Variants in SH3GL2 observed in about 807,000 individuals in gnomAD.
SH3GL2 encodes the protein SH3 domain containing GRB2 like 2, endophilin A1.
In SH3GL2, 24 loss-of-function variants were observed where a neutral mutation model predicts 46.0. The ratio of observed to expected loss-of-function variants is 0.52; its 90% confidence interval spans 0.38 to 0.73. The LOEUF (loss-of-function observed/expected upper bound fraction) is 0.73, where lower values mean the gene tolerates loss of function less well. Ranked by LOEUF, SH3GL2 falls within the 30% of genes least tolerant of loss-of-function variation. The probability of loss-of-function intolerance (pLI) is 0.00; values close to 1 mark genes in which losing one functional copy is unlikely to be tolerated. For missense variants in SH3GL2, 413 were observed against 424.2 expected (o/e 0.97, Z 0.23); for synonymous variants, 196 against 147.1 (o/e 1.33, Z -2.40).
chr9:17,750,991 C>G (rs1389363321), intron 2 of SH3GL2, among the ~76,000 whole-genome samples: 1 of 152,174 alleles, frequency 6.6e-6, no homozygotes, highest in Non-Finnish European at 1.5e-5. Context: ...GAGAGGGCGT[C>G]TGAGCTAAAT....
At position 17,795,825 on chromosome 9, in the gene SH3GL2, A is replaced by G; in HGVS notation, c.*82A>G. 2 of 1,159,938 alleles carry G rather than the reference A, an allele frequency of 1.7e-6. No individual in the cohort carries two copies. Among genetic ancestry groups the G allele is most frequent in the Non-Finnish European group, 2.5e-6 (2 of 799,406 alleles). 71.9% of individuals were successfully genotyped at this position (1,159,938 alleles called of 1,614,324 possible). On this transcript the variant is annotated 3_prime_UTR_variant, in exon 9 of 9. Transcript: ENST00000380607. ...GCTTTGGCAATGCTGCTTATAACACATCCCAAGTGCAGGCCGCAGTGGTCC... is the reference window on the plus strand; with the variant it reads ...GCTTTGGCAATGCTGCTTATAACACGTCCCAAGTGCAGGCCGCAGTGGTCC...
intron 1 of SH3GL2, among the ~76,000 whole-genome samples, chr9:17,587,771 G>A (rs982478294): frequency 6.6e-6 from 1 of 152,048 alleles, no homozygotes; most frequent in East Asian, 1.9e-4. Flanking sequence ...CCAGCTACTC[G>A]GGAGGCTGAA....
chr9:17,673,939 T>C (rs1820539978), intron 1 of SH3GL2, among the ~76,000 whole-genome samples: 1 of 152,310 alleles, frequency 6.6e-6, no homozygotes, highest in Middle Eastern at 3.4e-3. Context: ...ATCTCTATGA[T>C]AGATCCTTGC....
intron 3 of SH3GL2, among the ~76,000 whole-genome samples, chr9:17,770,747 A>T (rs887628485): frequency 6.6e-6 from 1 of 152,208 alleles, no homozygotes; most frequent in Non-Finnish European, 1.5e-5. Flanking sequence ...AGAGGACCAC[A>T]TGTCAAGGAA....
intron 1 of SH3GL2, among the ~76,000 whole-genome samples, chr9:17,746,125 A>C (rs1191375768): frequency 6.6e-6 from 1 of 152,124 alleles, no homozygotes; most frequent in Non-Finnish European, 1.5e-5. Context: ...CCCAGGCTGG[A>C]GTGCAGTGGT....
intron 1 of SH3GL2, among the ~76,000 whole-genome samples, chr9:17,702,264 A>G (rs1174841931): frequency 6.6e-6 from 1 of 152,092 alleles, no homozygotes; most frequent in East Asian, 1.9e-4. Flanking sequence ...CCAGTGGAAT[A>G]AATAAAGATT....
intron 4 of SH3GL2, among the ~76,000 whole-genome samples, chr9:17,786,838 TGA>T (rs1823972523): frequency 6.6e-6 from 1 of 151,804 alleles, no homozygotes; most frequent in South Asian, 2.1e-4. Context: ...TGAAGCAGAG[TGA>T]GCAGGCACAG....
At chr9:17,703,724 G>T (rs1305748298) in intron 1 of SH3GL2, among the ~76,000 whole-genome samples, 1 of 151,938 alleles carries the variant, frequency 6.6e-6, no homozygotes, top group African/African-American at 2.4e-5. Context: ...CTCAATAGAC[G>T]CAGAAAAGGC....
intron 2 of SH3GL2, among the ~76,000 whole-genome samples, chr9:17,753,389 T>A (rs960037003): frequency 2.6e-5 from 4 of 152,008 alleles, no homozygotes; most frequent in African/African-American, 9.7e-5. Context: ...TGACTTTTTA[T>A]CTCATTGTGG....
chr9:17,748,614 C>A (rs1175465419), intron 2 of SH3GL2, among the ~76,000 whole-genome samples: 1 of 151,760 alleles, frequency 6.6e-6, no homozygotes, highest in Non-Finnish European at 1.5e-5. Flanking sequence ...TAGTTTTTCT[C>A]TTGGTGAGTT....
In SH3GL2 at chr9:17,747,108, G is replaced by C; in HGVS notation, c.88G>C (p.Asp30His). The change falls in exon 2 of 9, where the codon GAT (aspartate) becomes CAT (histidine). Residue 30 changes from aspartate (D) to histidine (H), a missense_variant. Asp to His is a moderately conservative substitution (Grantham distance 81). This residue lies in a region of SH3GL2 where 160 missense variants were observed against 192.3 expected (regional missense o/e 0.83). Coordinates refer to ENST00000380607, the MANE Select transcript of SH3GL2 (RefSeq NM_003026.5). ...KVGGAEGTKL[D>H]DDFKEMERKV... ...TGGAGGAGCTGAAGGAACCAAGCTA[G>C]ATGATGACTTCAAAGAGATGGAAAG... 5 of 1,610,306 alleles carry C rather than the reference G, an allele frequency of 3.1e-6. No individual in the cohort carries two copies. The highest frequency in any genetic ancestry group is 4.2e-6 in the Non-Finnish European group (5 of 1,176,662).
chr9:17,654,799 T>C (rs189679363), intron 1 of SH3GL2, among the ~76,000 whole-genome samples: 27 of 152,200 alleles, frequency 1.8e-4, no homozygotes, highest in African/African-American at 6.5e-4. Flanking sequence ...ACTGCAAAGG[T>C]GCTATAGGAT....
At chr9:17,606,073 C>T (rs891872635) in intron 1 of SH3GL2, among the ~76,000 whole-genome samples, 2 of 133,504 alleles carry the variant, frequency 1.5e-5, no homozygotes, top group African/African-American at 2.6e-5. Context: ...GGGTCAGCTT[C>T]ACTTGCGTGA....
At chr9:17,759,942 T>C (rs1474695127) in intron 2 of SH3GL2, among the ~76,000 whole-genome samples, 2 of 152,216 alleles carry the variant, frequency 1.3e-5, no homozygotes, top group Non-Finnish European at 2.9e-5. Flanking sequence ...TCAGCATATT[T>C]GTTCCATACA....
chr9:17,718,620 CAG>C (rs1433058764), intron 1 of SH3GL2, among the ~76,000 whole-genome samples: 6 of 152,198 alleles, frequency 3.9e-5, no homozygotes, highest in Admixed American at 1.3e-4. Flanking sequence ...CCCACTGACT[CAG>C]GGGGCTGAGA....
At chr9:17,747,984 T>G (rs1430089437) in intron 2 of SH3GL2, among the ~76,000 whole-genome samples, 1 of 152,094 alleles carries the variant, frequency 6.6e-6, no homozygotes, top group Non-Finnish European at 1.5e-5. Flanking sequence ...GAGCCCCTTT[T>G]TAAGTGAATG....
chr9:17,648,887 T>A lies in SH3GL2; in HGVS notation c.45+69600T>A, dbSNP rs188620016. The stretch of plus-strand genomic sequence containing the variant: ...CTAGAAACAAAGTTCTGTAGACTAC[T>A]CATCATATCAATCATTTTTTCCCAA... On this transcript the variant is annotated intron_variant, in intron 1 of 8. Transcript: ENST00000380607. 5.8e-4 allele frequency among the ~76,000 whole-genome samples: 89 copies of A among 152,322 alleles called. 1 individual carries two copies. The East Asian group carries it at 0.014, about 24-fold the overall frequency.
At chr9:17,788,368 G>C (rs1354596554) in intron 5 of SH3GL2, among the ~76,000 whole-genome samples, 2 of 152,032 alleles carry the variant, frequency 1.3e-5, no homozygotes, top group Non-Finnish European at 2.9e-5. Flanking sequence ...TTTGGATCAG[G>C]GCATGGACTG....
At chr9:17,626,279 C>G (rs1290084953) in intron 1 of SH3GL2, among the ~76,000 whole-genome samples, 1 of 152,182 alleles carries the variant, frequency 6.6e-6, no homozygotes, top group East Asian at 1.9e-4. Context: ...ATTGCTCTGG[C>G]CTGAGGCCAT....
Sources: allele counts gnomAD v4.1 joint callset (sites outside exome capture counted in the v4.1 genomes callset), GRCh38; gene constraint gnomAD v4.1.1; regional missense constraint gnomAD v4.1.1; transcripts MANE v1.5; gene names NCBI Gene and HGNC (gene_info 2026-07-23, HGNC 2026-07-21).